SMARCA2: variants seen among roughly 807,000 people sequenced by gnomAD.
The protein encoded by SMARCA2 is SWI/SNF related BAF chromatin remodeling complex subunit ATPase 2.
In SMARCA2, 61 loss-of-function variants were observed where a neutral mutation model predicts 199.8. The observed-to-expected ratio is 0.31, with a 90% CI of 0.25 to 0.38. The LOEUF (loss-of-function observed/expected upper bound fraction) is 0.38, where lower values mean the gene tolerates loss of function less well. SMARCA2 is among the 10% of genes least tolerant of loss of function. The probability of loss-of-function intolerance (pLI) is 1.00; values close to 1 mark genes in which losing one functional copy is unlikely to be tolerated. For missense variants in SMARCA2, 1,344 were observed against 2,012.2 expected, an observed-to-expected ratio of 0.67 and a Z score of 6.35; for synonymous variants, 935 against 732.0, an observed-to-expected ratio of 1.28 and a Z score of -4.48.
chr9:2,119,410 C>G lies in SMARCA2; in HGVS notation c.3685-48C>G. On this transcript the variant is annotated intron_variant, in intron 25 of 33. Transcript: ENST00000349721. This position sits in a 1 kb window ranked among gnomAD's most constrained non-coding sequence, Gnocchi z 4.6. ...GGACAGATCACTTACTTGTTTGTACCTTGCCCCAGCTGTCCACTGGTTAAA... is the reference window on the plus strand; with the variant it reads ...GGACAGATCACTTACTTGTTTGTACGTTGCCCCAGCTGTCCACTGGTTAAA... 1.6e-6 allele frequency: 2 copies of G among 1,278,456 alleles called. No homozygotes were observed. Among genetic ancestry groups the G allele is most frequent in the Non-Finnish European group, 2.3e-6 (2 of 874,138 alleles). The allele number at this position is 1,278,456 out of a possible 1,614,324, so 79.2% of individuals were successfully genotyped here.
chr9:2,049,249 A>T (rs1820015574), intron 5 of SMARCA2, among the ~76,000 whole-genome samples: 1 of 152,152 alleles, frequency 6.6e-6, no homozygotes, highest in African/African-American at 2.4e-5. Flanking sequence ...GCTAACTCCT[A>T]AATGTTCTTA....
intron 23 of SMARCA2, among the ~76,000 whole-genome samples, chr9:2,109,938 A>G (rs1012450266): frequency 1.3e-5 from 2 of 152,196 alleles, no homozygotes; most frequent in African/African-American, 4.8e-5. Context: ...GTGTTCTTAA[A>G]ATTATTTGTT....
rs1275874922 is a variant in SMARCA2, at chr9:2,015,376, A to T, written c.-65A>T. 1.3e-5 allele frequency: 2 copies of T among 152,326 alleles called. No individual in the cohort carries two copies. Among genetic ancestry groups the T allele is most frequent in the African/African-American group, 4.8e-5 (2 of 41,470 alleles). 9.4% of individuals were successfully genotyped at this position (152,326 alleles called of 1,614,324 possible). On this transcript the variant is annotated 5_prime_UTR_variant, in exon 1 of 34. Coordinates refer to ENST00000349721, the MANE Select transcript of SMARCA2 (RefSeq NM_003070.5). ...TCTGGGTGACTCAGAGAGGGAAGAG[A>T]TTCAGCCAGCACACTCCTCGCGAGC...
chr9:2,072,930 C>A (rs1821154061), intron 10 of SMARCA2, among the ~76,000 whole-genome samples: 1 of 152,210 alleles, frequency 6.6e-6, no homozygotes, highest in Non-Finnish European at 1.5e-5. Context: ...TTGGTTTCCA[C>A]ACCCTTGCAC....
chr9:2,101,420 C>G, intron 21 of SMARCA2, 150 bp from the exon 22 acceptor site: 1 of 476,006 alleles, frequency 2.1e-6, no homozygotes. Flanking sequence ...TACTGAATTT[C>G]TGGTTCATTA....
chr9:2,130,809 A>G (rs986438929), intron 27 of SMARCA2, among the ~76,000 whole-genome samples: 1 of 152,208 alleles, frequency 6.6e-6, no homozygotes, highest in Non-Finnish European at 1.5e-5. Flanking sequence ...GCTTCTTTAT[A>G]TGTAAGAGCA....
At chr9:2,052,982 C>A (rs572656122) in intron 5 of SMARCA2, among the ~76,000 whole-genome samples, 2 of 152,272 alleles carry the variant, frequency 1.3e-5, no homozygotes, top group African/African-American at 4.8e-5. Flanking sequence ...ACAATTTCGA[C>A]TTTTATTTTA....
intron 23 of SMARCA2, among the ~76,000 whole-genome samples, chr9:2,107,544 C>A (rs1391520934): frequency 6.6e-6 from 1 of 152,150 alleles, no homozygotes; most frequent in Non-Finnish European, 1.5e-5. Context: ...TCTCGAACCC[C>A]TGACCTCAGG....
chr9:2,102,343 C>G (rs1410950210), intron 22 of SMARCA2, among the ~76,000 whole-genome samples: 2 of 152,170 alleles, frequency 1.3e-5, no homozygotes, highest in Admixed American at 6.5e-5. Context: ...GTTACTCCTG[C>G]TCCCATCAGC....
chr9:2,112,888 A>T (rs147081378), intron 24 of SMARCA2, among the ~76,000 whole-genome samples: 40 of 152,338 alleles, frequency 2.6e-4, no homozygotes, highest in African/African-American at 8.2e-4. Flanking sequence ...CACCTCAAGT[A>T]ATCGTCAAAA....
chr9:2,069,449 C>T (rs926942386), intron 9 of SMARCA2, among the ~76,000 whole-genome samples: 2 of 151,390 alleles, frequency 1.3e-5, no homozygotes, highest in Non-Finnish European at 2.9e-5. Flanking sequence ...GTCCCAGCTA[C>T]TTGGGAGGCT....
Position 2,077,668 on chromosome 9 carries a change from G to A in SMARCA2, c.2076G>A (p.Gln692=), listed in dbSNP as rs764893355. ...ACGTGGATGATGAATACAGCATGCA[G>A]TACAGTGCCAGGGGCTCCCAGTCCT... ...KQDVDDEYSM[Q]YSARGSQSYY... is the part of the protein sequence containing the mutation. Residue 692 remains glutamine (Q), a synonymous_variant, in exon 14 of 34, where the codon CAG becomes CAA. Coordinates refer to ENST00000349721, the MANE Select transcript of SMARCA2 (RefSeq NM_003070.5). 15 of 1,614,058 alleles carry A rather than the reference G, an allele frequency of 9.3e-6. No individual in the cohort carries two copies. In the South Asian group the frequency reaches 1.2e-4, roughly 13 times the overall value.
At chr9:2,133,837 G>A (rs1280202250) in intron 27 of SMARCA2, among the ~76,000 whole-genome samples, 2 of 152,194 alleles carry the variant, frequency 1.3e-5, no homozygotes, top group South Asian at 2.1e-4. Context: ...ACTTTTGATG[G>A]CTCTCTATAT....
chr9:2,191,618 T>A, intron 33 of SMARCA2: 2 of 439,524 alleles, frequency 4.6e-6, no homozygotes, highest in Non-Finnish European at 8.1e-6. Flanking sequence ...TTTTTAATAG[T>A]CTTCAAAAAT....
intron 4 of SMARCA2, among the ~76,000 whole-genome samples, chr9:2,046,371 T>C (rs1381326621): frequency 6.6e-6 from 1 of 152,242 alleles, no homozygotes; most frequent in African/African-American, 2.4e-5. Flanking sequence ...AGATTACATA[T>C]TGTTTTATTC....
intron 14 of SMARCA2, among the ~76,000 whole-genome samples, chr9:2,078,633 A>G (rs1171734273): frequency 1.3e-5 from 2 of 152,162 alleles, no homozygotes; most frequent in Non-Finnish European, 2.9e-5. Context: ...CATTTGTTCT[A>G]TGAATTGTTC....
intron 17 of SMARCA2, among the ~76,000 whole-genome samples, chr9:2,084,556 G>A (rs1197163211): frequency 1.3e-5 from 2 of 152,056 alleles, no homozygotes; most frequent in Admixed American, 6.5e-5. Flanking sequence ...AGAAATAATT[G>A]TTTTTGTTGC....
At chr9:2,147,093 T>C (rs1824791214) in intron 27 of SMARCA2, among the ~76,000 whole-genome samples, 1 of 152,130 alleles carries the variant, frequency 6.6e-6, no homozygotes, top group African/African-American at 2.4e-5. Flanking sequence ...ATTGATAGAC[T>C]GAGGAGAATT....
At chr9:2,046,453 T>C (rs1313388063) in intron 4 of SMARCA2, among the ~76,000 whole-genome samples, 1 of 152,156 alleles carries the variant, frequency 6.6e-6, no homozygotes, top group Non-Finnish European at 1.5e-5. Context: ...GAGCAGATTT[T>C]TTTTGGCTAA....
Sources: allele counts gnomAD v4.1 joint callset (sites outside exome capture counted in the v4.1 genomes callset), GRCh38; gene constraint gnomAD v4.1.1; non-coding constraint Gnocchi (gnomAD v3.1); transcripts MANE v1.5; gene names NCBI Gene and HGNC (gene_info 2026-07-23, HGNC 2026-07-21).